NHERF2: variants seen among roughly 807,000 people sequenced by gnomAD.
The protein encoded by NHERF2 is Na(+)/H(+) exchange regulatory cofactor NHE-RF2.
chr16:2,033,575 G>C, the NHERF2 span: 1 of 904,808 alleles, frequency 1.1e-6, no homozygotes, highest in Non-Finnish European at 1.6e-6. Flanking sequence ...GCCAGGGCTG[G>C]TGCGTCACCA....
chr16:2,029,054 C>T, the NHERF2 span, among the ~76,000 whole-genome samples: 2 of 152,172 alleles, frequency 1.3e-5, no homozygotes, highest in South Asian at 4.1e-4. Flanking sequence ...GATATAAGGC[C>T]TAGGGTCAGG....
the NHERF2 span, chr16:2,027,020 G>A: frequency 1.7e-6 from 2 of 1,192,478 alleles, no homozygotes; most frequent in Non-Finnish European, 2.1e-6. Context: ...CCGCGCCGGA[G>A]CCGCTGCGGC....
At chr16:2,027,397 G>A in the NHERF2 span, among the ~76,000 whole-genome samples, 16 of 152,110 alleles carry the variant, frequency 1.1e-4, no homozygotes, top group East Asian at 1.9e-4. Flanking sequence ...CTGCACGGGG[G>A]TGGGGGGGGG....
the NHERF2 span, chr16:2,035,569 G>C: frequency 1.0e-6 from 1 of 987,508 alleles, no homozygotes; most frequent in Middle Eastern, 5.2e-4. Context: ...ATGTTTAACT[G>C]AGCACGGGCA....
chr16:2,038,190 CAGAGATGTGAG>C, the NHERF2 span: 1 of 610,802 alleles, frequency 1.6e-6, no homozygotes, highest in Non-Finnish European at 2.9e-6. Context: ...GAGAGAGACC[CAGAGATGTGAG>C]AGAGAGTCAG....
the NHERF2 span, chr16:2,038,243 CAGAG>C: frequency 2.3e-5 from 13 of 569,042 alleles, no homozygotes; most frequent in South Asian, 8.0e-5. Context: ...GAGAGAGACA[CAGAG>C]AGAGACAGAG....
the NHERF2 span, among the ~76,000 whole-genome samples, chr16:2,027,863 C>T: frequency 1.3e-5 from 2 of 152,196 alleles, 1 homozygote; most frequent in South Asian, 4.1e-4. Flanking sequence ...TCTAGTGTGT[C>T]CCAGCTGGTG....
chr16:2,029,483 G>A, the NHERF2 span: 295 of 1,168,242 alleles, frequency 2.5e-4, 1 homozygote, highest in Middle Eastern at 1.7e-3. Flanking sequence ...CAGACCAGCC[G>A]CCTGTCCGCA....
chr16:2,038,274 C>A, the NHERF2 span: 1 of 545,510 alleles, frequency 1.8e-6, no homozygotes, highest in Non-Finnish European at 3.3e-6. Context: ...CGAGCGAGCG[C>A]GCGGCAGCCG....
chr16:2,033,066 AG>A, the NHERF2 span: 1 of 1,315,088 alleles, frequency 7.6e-7, no homozygotes, highest in Non-Finnish European at 9.8e-7. Context: ...CTGTCCCCTC[AG>A]CCCTGGGTCC....
chr16:2,037,786 G>C, the NHERF2 span: 2 of 1,557,166 alleles, frequency 1.3e-6, no homozygotes, highest in African/African-American at 1.4e-5. Context: ...TGTGGGACTA[G>C]GGCTCACTCC....
chr16:2,033,281 G>A, the NHERF2 span: 1 of 1,531,386 alleles, frequency 6.5e-7, no homozygotes, highest in Non-Finnish European at 8.7e-7. Context: ...TGGGGTGGCA[G>A]CCTGGGTCGG....
the NHERF2 span, chr16:2,036,319 T>A: frequency 6.2e-7 from 1 of 1,603,864 alleles, no homozygotes; most frequent in East Asian, 2.3e-5. Flanking sequence ...CCGTTGGGCC[T>A]GCAGGATGTC....
chr16:2,033,746 G>A, the NHERF2 span, among the ~76,000 whole-genome samples: 1 of 152,250 alleles, frequency 6.6e-6, no homozygotes, highest in African/African-American at 2.4e-5. Context: ...CAGGAAGTGT[G>A]TGCTGAGCCA....
chr16:2,029,267 G>A, the NHERF2 span, among the ~76,000 whole-genome samples: 4 of 152,206 alleles, frequency 2.6e-5, no homozygotes, highest in Admixed American at 2.6e-4. Context: ...TTCCAGACAG[G>A]ACTTACCCAG....
At chr16:2,032,875 A>G in the NHERF2 span, 11 of 1,018,698 alleles carry the variant, frequency 1.1e-5, no homozygotes, top group South Asian at 4.0e-4. The surrounding 1 kb of genome is among the most constrained non-coding windows in gnomAD (Gnocchi z 4.0). Context: ...CCCCTAGCCC[A>G]TGTCTCCACC....
At chr16:2,029,557 C>T in the NHERF2 span, 66 of 1,551,838 alleles carry the variant, frequency 4.3e-5, no homozygotes, top group Non-Finnish European at 5.3e-5. Flanking sequence ...GCCACTGACC[C>T]GCTCCTATCG....
the NHERF2 span, chr16:2,036,423 C>T: frequency 6.6e-4 from 1,063 of 1,607,574 alleles, 12 homozygotes; most frequent in African/African-American, 0.013. Flanking sequence ...CAAGTCCCGG[C>T]CCGGCCAGTA....
the NHERF2 span, among the ~76,000 whole-genome samples, chr16:2,028,257 G>C: frequency 2.0e-5 from 3 of 152,216 alleles, no homozygotes; most frequent in African/African-American, 7.2e-5. Context: ...CTGTCACTCT[G>C]TCGGCCGGCC....
Sources: gnomAD v4.1 joint callset for allele counts (sites outside exome capture counted in the v4.1 genomes callset) on GRCh38, gnomAD v4.1.1 for gene constraint, Gnocchi (gnomAD v3.1) non-coding constraint, MANE v1.5 for transcripts, NCBI Gene and HGNC (gene_info 2026-07-23, HGNC 2026-07-21) for gene names.